Variants in TMEM178B observed in about 807,000 individuals in gnomAD.
TMEM178B encodes transmembrane protein 178B.
A neutral mutation model predicts 31.0 loss-of-function variants in TMEM178B; 5 were observed. The ratio of observed to expected loss-of-function variants is 0.16; its 90% CI spans 0.08 to 0.34. The LOEUF is 0.34. Ranked by LOEUF, TMEM178B falls within the 10% of genes least tolerant of loss-of-function variation. The pLI is 1.00. For missense variants in TMEM178B, 275 were observed against 400.3 expected (o/e 0.69, Z 2.67); for synonymous variants, 164 against 164.0 (o/e 1.00, Z 0.00).
chr7:141,166,300 G>A (rs1428656281), intron 1 of TMEM178B, among the ~76,000 whole-genome samples: 1 of 152,206 alleles, frequency 6.6e-6, no homozygotes, highest in Non-Finnish European at 1.5e-5. Context: ...GAGGTCATCA[G>A]GAAGTAAGGG....
At chr7:141,281,742 T>C (rs921989178) in intron 2 of TMEM178B, among the ~76,000 whole-genome samples, 1 of 152,036 alleles carries the variant, frequency 6.6e-6, no homozygotes, top group Admixed American at 6.6e-5. Flanking sequence ...TGGGGGGAGA[T>C]ACTTTCAGCA....
chr7:141,263,750 A>C (rs763612096), intron 2 of TMEM178B, among the ~76,000 whole-genome samples: 6 of 152,192 alleles, frequency 3.9e-5, no homozygotes, highest in Non-Finnish European at 7.3e-5. Flanking sequence ...TGGCCTCTGC[A>C]ATGTTAGAGG....
At position 141,344,508 on chromosome 7, in the gene TMEM178B, G is replaced by A. The variant is rs138232521; in HGVS notation, c.497-93100G>A. On this transcript the variant is annotated intron_variant, in intron 2 of 3. Transcript: ENST00000565468. This position sits in a 1 kb window ranked among gnomAD's most constrained non-coding sequence, Gnocchi z 4.1. ...TTTTTACTTTGAAATTTTTAAAAAT[G>A]TAATTTTAAGACTTTTTAAAGCTGG... Among the ~76,000 whole-genome samples, 1,154 of 152,252 alleles carry A rather than the reference G, an allele frequency of 7.6e-3. 14 individuals carry two copies. The highest frequency in any genetic ancestry group is 0.026 in the African/African-American group (1,080 of 41,524).
intron 1 of TMEM178B, among the ~76,000 whole-genome samples, chr7:141,165,992 G>A (rs954904414): frequency 1.3e-5 from 2 of 152,306 alleles, no homozygotes; most frequent in Admixed American, 6.5e-5. Flanking sequence ...TGAGACAGCC[G>A]TGGAAATGTA....
Position 141,438,875 on chromosome 7 carries a change from C to CAAAA in TMEM178B, c.634+1136_634+1139dup, listed in dbSNP as rs764682650. Among the ~76,000 whole-genome samples the CAAAA allele has an allele frequency of 3.8e-5, 5 of 132,800 alleles. 1 individual carries two copies. The highest frequency in any genetic ancestry group is 6.5e-5 in the Non-Finnish European group (4 of 61,970). 87.1% of individuals were successfully genotyped at this position (132,800 alleles called of 152,430 possible). ...TTGGTGATAGAGCAAGATTCCGTCT[C>CAAAA]AAAAAAAAAGAAAGAAAAAGAAAAA... On this transcript the variant is annotated intron_variant, in intron 3 of 3. Transcript: ENST00000565468.
chr7:141,357,648 G>C (rs931516303), intron 2 of TMEM178B, among the ~76,000 whole-genome samples: 6 of 152,038 alleles, frequency 3.9e-5, no homozygotes, highest in African/African-American at 1.4e-4. Context: ...TAATTTTTGC[G>C]GGTGTATTTA....
chr7:141,325,150 G>A (rs1199504685), intron 2 of TMEM178B, among the ~76,000 whole-genome samples: 1 of 152,114 alleles, frequency 6.6e-6, no homozygotes, highest in Non-Finnish European at 1.5e-5. Flanking sequence ...GGTTTCATTA[G>A]GCATCAGAAA....
chr7:141,300,397 T>A (rs981955673), intron 2 of TMEM178B, among the ~76,000 whole-genome samples: 2 of 152,182 alleles, frequency 1.3e-5, no homozygotes, highest in Admixed American at 6.5e-5. Flanking sequence ...AAAGGCTATT[T>A]GATGAGCTCT....
At chr7:141,163,508 A>G (rs1354413352) in intron 1 of TMEM178B, among the ~76,000 whole-genome samples, 1 of 151,236 alleles carries the variant, frequency 6.6e-6, no homozygotes. Context: ...TTTAGCAAAC[A>G]GCAATTTTTT....
At chr7:141,441,491 A>G (rs1801656729) in intron 3 of TMEM178B, among the ~76,000 whole-genome samples, 1 of 152,204 alleles carries the variant, frequency 6.6e-6, no homozygotes, top group Non-Finnish European at 1.5e-5. Flanking sequence ...TTGCTCACCC[A>G]GGCTCAGGTT....
At chr7:141,327,193 T>C (rs528432885) in intron 2 of TMEM178B, among the ~76,000 whole-genome samples, 1 of 152,256 alleles carries the variant, frequency 6.6e-6, no homozygotes, top group South Asian at 2.1e-4. Flanking sequence ...ATGTATAGAG[T>C]TTATGAAGTT....
At chr7:141,438,171 T>G (rs894732276) in intron 3 of TMEM178B, among the ~76,000 whole-genome samples, 1 of 152,142 alleles carries the variant, frequency 6.6e-6, no homozygotes, top group Non-Finnish European at 1.5e-5. Context: ...CAAAAGTCTA[T>G]CTTCACCTCT....
chr7:141,268,635 A>T (rs916118948), intron 2 of TMEM178B, among the ~76,000 whole-genome samples: 1 of 152,264 alleles, frequency 6.6e-6, no homozygotes, highest in Non-Finnish European at 1.5e-5. Context: ...TCAGCTGCAG[A>T]CAAGAACAGA....
intron 2 of TMEM178B, among the ~76,000 whole-genome samples, chr7:141,358,813 C>A (rs538788156): frequency 6.6e-6 from 1 of 152,174 alleles, no homozygotes; most frequent in African/African-American, 2.4e-5. Flanking sequence ...ATTTTTGTAA[C>A]TATTAGATCT....
intron 1 of TMEM178B, among the ~76,000 whole-genome samples, chr7:141,113,445 G>T (rs941697482): frequency 3.3e-5 from 5 of 152,180 alleles, no homozygotes; most frequent in Non-Finnish European, 1.5e-5. Flanking sequence ...GAAGGTTCAG[G>T]TGAGGGCATT....
intron 2 of TMEM178B, among the ~76,000 whole-genome samples, chr7:141,324,834 A>G (rs1275882429): frequency 6.6e-6 from 1 of 152,032 alleles, no homozygotes; most frequent in Admixed American, 6.6e-5. Flanking sequence ...GATTCTTTGT[A>G]ACTATGTCCC....
intron 2 of TMEM178B, among the ~76,000 whole-genome samples, chr7:141,385,900 G>A (rs919212184): frequency 2.0e-5 from 3 of 152,236 alleles, no homozygotes; most frequent in East Asian, 1.9e-4. Flanking sequence ...CCAGCTGCTA[G>A]TTTGGCCCCA....
rs917630112 is a variant in TMEM178B, at chr7:141,427,085, T to G, written c.497-10523T>G. ...AGAAGACACTAATAACGGAAAGATA[T>G]TCCATGTTCATGGATTGGAATAATT... On this transcript the variant is annotated intron_variant, in intron 2 of 3. Transcript: ENST00000565468. 2.4e-4 allele frequency among the ~76,000 whole-genome samples: 36 copies of G among 152,198 alleles called. 1 individual carries two copies. The highest frequency in any genetic ancestry group is 8.4e-4 in the African/African-American group (35 of 41,452).
chr7:141,119,649 C>T (rs1252464386), intron 1 of TMEM178B, among the ~76,000 whole-genome samples: 1 of 152,094 alleles, frequency 6.6e-6, no homozygotes, highest in African/African-American at 2.4e-5. Flanking sequence ...AGTGGGGAAT[C>T]CCTGTCTTTT....
Sources: allele counts gnomAD v4.1 joint callset (sites outside exome capture counted in the v4.1 genomes callset), GRCh38; gene constraint gnomAD v4.1.1; non-coding constraint Gnocchi (gnomAD v3.1); transcripts MANE v1.5; gene names NCBI Gene and HGNC (gene_info 2026-07-23, HGNC 2026-07-21).